SIDT1: variants seen among roughly 807,000 people sequenced by gnomAD.
SIDT1 encodes SID1 transmembrane family member 1.
In SIDT1, 101 loss-of-function variants were observed where a neutral mutation model predicts 107.5. The ratio of observed to expected loss-of-function variants is 0.94; its 90% CI spans 0.80 to 1.11. SIDT1 has a LOEUF of 1.11. Among genes scored for constraint, SIDT1 ranks in the 50% least tolerant of loss-of-function variants. SIDT1 has a pLI of 0.00. For synonymous variants in SIDT1, 395 were observed against 398.2 expected (o/e 0.99, Z 0.10); for missense variants, 1,076 against 1,058.2 (o/e 1.02, Z -0.23).
At chr3:113,626,366 CT>C in intron 24 of SIDT1, 151 bp downstream of exon 24, 1 of 566,254 alleles carries the variant, frequency 1.8e-6, no homozygotes, top group Non-Finnish European at 3.1e-6. Context: ...CATCTTATTT[CT>C]TTCATAAATT....
Position 113,608,083 on chromosome 3 carries a change from C to T in SIDT1, c.1479-11C>T, listed in dbSNP as rs1213703863. 1 of 1,574,658 alleles carries T rather than the reference C, an allele frequency of 6.4e-7. No homozygotes were observed. Among genetic ancestry groups the T allele is most frequent in the Non-Finnish European group, 8.6e-7 (1 of 1,162,328 alleles). On this transcript the variant is annotated splice_polypyrimidine_tract_variant and intron_variant, in intron 15 of 24. Coordinates refer to ENST00000264852, the MANE Select transcript of SIDT1 (RefSeq NM_017699.3). The stretch of plus-strand genomic sequence containing the variant: ...CTTGACTCTCTCATGGTCTCTCACT[C>T]ATCCCTGTAGTGCCTTCAACAACAT...
intron 1 of SIDT1, among the ~76,000 whole-genome samples, chr3:113,544,611 A>C (rs76584935): frequency 2.0e-5 from 3 of 152,100 alleles, no homozygotes; most frequent in African/African-American, 7.2e-5. Flanking sequence ...CACAATTCAG[A>C]TTTCTCTGAT....
At chr3:113,565,326 G>A (rs569189144) in intron 1 of SIDT1, among the ~76,000 whole-genome samples, 3 of 152,138 alleles carry the variant, frequency 2.0e-5, no homozygotes, top group African/African-American at 4.8e-5. Context: ...GAGGTCAGCA[G>A]TTCGAGACCA....
intron 3 of SIDT1, among the ~76,000 whole-genome samples, chr3:113,571,568 G>A (rs1942460019): frequency 6.6e-6 from 1 of 151,844 alleles, no homozygotes; most frequent in Non-Finnish European, 1.5e-5. Context: ...AGTATTGCTA[G>A]AGTGTGAAAT....
intron 1 of SIDT1, among the ~76,000 whole-genome samples, chr3:113,558,557 A>C (rs564542561): frequency 9.2e-5 from 14 of 152,330 alleles, no homozygotes; most frequent in African/African-American, 3.4e-4. Flanking sequence ...AGACAGACTT[A>C]CTGCCTGTTA....
chr3:113,616,375 T>C (rs1461144201), intron 20 of SIDT1, among the ~76,000 whole-genome samples, 199 bp downstream of exon 20: 1 of 152,198 alleles, frequency 6.6e-6, no homozygotes, highest in East Asian at 1.9e-4. Flanking sequence ...GGTCCCATTT[T>C]TATAAACAAA....
At chr3:113,616,263 C>A in intron 20 of SIDT1, 87 bp downstream of exon 20, 1 of 1,045,006 alleles carries the variant, frequency 9.6e-7, no homozygotes, top group Non-Finnish European at 1.5e-6. Flanking sequence ...TCACTCACGG[C>A]TCCTAAAATC....
chr3:113,559,902 T>C (rs1941264882), intron 1 of SIDT1, among the ~76,000 whole-genome samples: 1 of 152,174 alleles, frequency 6.6e-6, no homozygotes, highest in Non-Finnish European at 1.5e-5. Context: ...CCCTCCTGTA[T>C]GGTGTTTATA....
At chr3:113,565,160 T>G (rs1237619090) in intron 1 of SIDT1, among the ~76,000 whole-genome samples, 2 of 151,430 alleles carry the variant, frequency 1.3e-5, no homozygotes, top group African/African-American at 2.4e-5. Context: ...AGATTAAATT[T>G]TGTTGTTGTT....
chr3:113,635,018 A>C, the SIDT1 span, among the ~76,000 whole-genome samples: 3 of 152,230 alleles, frequency 2.0e-5, no homozygotes, highest in African/African-American at 7.2e-5. Context: ...TAAACGTAAG[A>C]ACCAAAGTCC....
At chr3:113,607,412 C>G (rs749824081) in intron 15 of SIDT1, among the ~76,000 whole-genome samples, 2 of 152,196 alleles carry the variant, frequency 1.3e-5, no homozygotes, top group Non-Finnish European at 2.9e-5. Context: ...AACCTATTGT[C>G]TCATTCGATC....
Position 113,623,734 on chromosome 3 carries a change from G to A in SIDT1, c.2307+1G>A, listed in dbSNP as rs770712169. ...CTTCCAGAATCTCAGCAGCTGGGAG[G>A]TAAGAGGCCAGTTTTCTTATCCAAA... On this transcript the variant is annotated splice_donor_variant, in intron 23 of 24. Coordinates refer to ENST00000264852, the MANE Select transcript of SIDT1 (RefSeq NM_017699.3). LOFTEE classifies it high-confidence loss of function. The A allele has an allele frequency of 2.5e-6, 4 of 1,606,740 alleles. No homozygotes were observed. The highest frequency in any genetic ancestry group is 1.3e-5 in the African/African-American group (1 of 74,914).
At chr3:113,598,737 A>AT (rs1224976387) in intron 10 of SIDT1, among the ~76,000 whole-genome samples, 2 of 152,198 alleles carry the variant, frequency 1.3e-5, no homozygotes, top group African/African-American at 4.8e-5. Flanking sequence ...TATTCTCAGC[A>AT]TTTTGTGATT....
At chr3:113,586,787 G>A (rs1011241422) in intron 9 of SIDT1, among the ~76,000 whole-genome samples, 37 of 152,168 alleles carry the variant, frequency 2.4e-4, no homozygotes, top group African/African-American at 8.4e-4. Context: ...TTCCAGAAAT[G>A]CATATTTGGA....
Position 113,532,793 on chromosome 3 carries a change from GC to G in SIDT1, c.-226del. 2.6e-6 allele frequency: 1 copy of G among 388,514 alleles called. No homozygotes were observed. The highest frequency in any genetic ancestry group is 4.5e-6 in the Non-Finnish European group (1 of 220,488). 24.1% of individuals were successfully genotyped at this position (388,514 alleles called of 1,614,324 possible). Reference sequence around the variant, plus strand: ...CCCCACATCTCCACTTCTCCAGTCCGCCCTACTCTCCACCCGTGACCTCCAG... The same window carrying G: ...CCCCACATCTCCACTTCTCCAGTCCGCCTACTCTCCACCCGTGACCTCCAG... On this transcript the variant is annotated 5_prime_UTR_variant, in exon 1 of 25. An upstream open reading frame in the 5' UTR loses its in-frame stop. Transcript: ENST00000264852.
intron 23 of SIDT1, among the ~76,000 whole-genome samples, chr3:113,625,014 A>T (rs1946745882): frequency 6.6e-6 from 1 of 152,166 alleles, no homozygotes; most frequent in Non-Finnish European, 1.5e-5. Flanking sequence ...TATTGTGAAC[A>T]GTGCTGTAAT....
At chr3:113,544,322 C>T (rs2107615677) in intron 1 of SIDT1, among the ~76,000 whole-genome samples, 1 of 152,192 alleles carries the variant, frequency 6.6e-6, no homozygotes, top group East Asian at 1.9e-4. Context: ...TCCCAAGTAG[C>T]TGGGACTACA....
rs997572344 is a variant in SIDT1 at position 113,629,244 on chromosome 3, G to T, written c.*1536G>T. 8.5e-5 allele frequency: 13 copies of T among 152,178 alleles called. No individual in the cohort carries two copies. The highest frequency in any genetic ancestry group is 7.2e-4 in the Admixed American group (11 of 15,286). 9.4% of individuals were successfully genotyped at this position (152,178 alleles called of 1,614,324 possible). The stretch of plus-strand genomic sequence containing the variant: ...TTAAAAACACAAAGTTGCTTTCAAT[G>T]AAATATTTTGTGATTTTTTTAAAGT... On this transcript the variant is annotated 3_prime_UTR_variant, in exon 25 of 25. Coordinates refer to ENST00000264852, the MANE Select transcript of SIDT1 (RefSeq NM_017699.3).
intron 1 of SIDT1, among the ~76,000 whole-genome samples, chr3:113,552,302 C>A (rs1223484320): frequency 6.6e-6 from 1 of 152,012 alleles, no homozygotes; most frequent in Non-Finnish European, 1.5e-5. Context: ...AAGGGATAAG[C>A]ATTGGAGGAT....
Sources: gnomAD v4.1 joint callset for allele counts (sites outside exome capture counted in the v4.1 genomes callset) on GRCh38, gnomAD v4.1.1 for gene constraint, MANE v1.5 for transcripts, NCBI Gene and HGNC (gene_info 2026-07-23, HGNC 2026-07-21) for gene names.